Variants in SLC30A10 observed in about 807,000 individuals in gnomAD.
SLC30A10 encodes solute carrier family 30 member 10.
Under a neutral mutation model 21.7 loss-of-function variants are expected in SLC30A10, and 8 were observed. The observed-to-expected ratio is 0.37, with a 90% CI of 0.22 to 0.67. The LOEUF is 0.67. SLC30A10 is among the 30% of genes least tolerant of loss of function. The pLI is 0.58. For synonymous variants in SLC30A10, 272 were observed against 279.4 expected (o/e 0.97, Z 0.26); for missense variants, 521 against 642.5 (o/e 0.81, Z 2.04).
At chr1:219,937,955 G>A (rs564093116) in intron 1 of SLC30A10, among the ~76,000 whole-genome samples, 5 of 151,958 alleles carry the variant, frequency 3.3e-5, no homozygotes, top group Admixed American at 6.5e-5. Context: ...CCTAGCCACC[G>A]GAGTTCTGAC....
At chr1:219,959,076 G>A (rs966373272), upstream of SLC30A10, among the ~76,000 whole-genome samples, 2 of 152,344 alleles carry the variant, frequency 1.3e-5, no homozygotes, top group African/African-American at 4.8e-5. Context: ...AGCTGCTAGG[G>A]AAGCAGCTAT....
upstream of SLC30A10, among the ~76,000 whole-genome samples, chr1:219,929,243 C>A (rs1659927412): frequency 6.6e-6 from 1 of 152,218 alleles, no homozygotes; most frequent in Non-Finnish European, 1.5e-5. Context: ...AGGATCTTCG[C>A]TGTCAAGGCT....
chr1:219,943,897 A>G (rs553920594), intron 1 of SLC30A10, among the ~76,000 whole-genome samples: 2 of 152,240 alleles, frequency 1.3e-5, no homozygotes, highest in African/African-American at 4.8e-5. Flanking sequence ...CAGGAGATTG[A>G]GACCATCCTG....
At position 219,927,836 on chromosome 1, in the gene SLC30A10, C is replaced by G; in HGVS notation, c.605G>C (p.Arg202Pro). The part of the protein sequence containing the change: ...TLRGTSVERK[R>P]EKGATVFANV... Reference sequence around the variant, plus strand: ...TGCGAACACGGTCGCCCCCTTCTCCCGCTTCCTTTCCACCGAGGTCCCCCG... The same window carrying G: ...TGCGAACACGGTCGCCCCCTTCTCCGGCTTCCTTTCCACCGAGGTCCCCCG... Residue 202 changes from arginine (R) to proline (P), a missense_variant, in exon 1 of 4, where the codon CGG becomes CCG. By Grantham distance (103) the Arg-to-Pro change is moderately radical. Transcript: ENST00000366926. The G allele has an allele frequency of 6.5e-7, 1 of 1,548,498 alleles. No individual in the cohort carries two copies. Among genetic ancestry groups the G allele is most frequent in the Non-Finnish European group, 8.7e-7 (1 of 1,147,544 alleles).
chr1:219,922,177 T>TG (rs1194378922), intron 2 of SLC30A10, among the ~76,000 whole-genome samples: 984 of 29,352 alleles, frequency 0.034, 1 homozygote, highest in African/African-American at 0.12. Flanking sequence ...TGTGTGTGTG[T>TG]TTTTTTTTTT....
upstream of SLC30A10, chr1:219,928,586 T>A: frequency 1.5e-6 from 1 of 659,838 alleles, no homozygotes; most frequent in East Asian, 3.5e-5. This position sits in a 1 kb window ranked among gnomAD's most constrained non-coding sequence, Gnocchi z 6.3. Flanking sequence ...CACCGCTTTT[T>A]ATAACGCGAG....
chr1:219,927,705 T>C, intron 1 of SLC30A10, 96 bp downstream of exon 1: 3 of 879,044 alleles, frequency 3.4e-6, no homozygotes, highest in Non-Finnish European at 4.4e-6. Flanking sequence ...AAAAAAAGCA[T>C]GCAGAAGAAA....
Position 219,911,149 on chromosome 1 carries a change from G to GTTTTTTTTTTTTTTTTTTTTTTTTTTT in SLC30A10, c.*4299_*4300insAAAAAAAAAAAAAAAAAAAAAAAAAAA. ...ATGTTTCTTCATTTTTTCTACATCAGTTTTTTTTTTTTTTTTTTTTTTTTT... is the reference window on the plus strand; with the variant it reads ...ATGTTTCTTCATTTTTTCTACATCAGTTTTTTTTTTTTTTTTTTTTTTTTTTTTTTTTTTTTTTTTTTTTTTTTTTTT... On this transcript the variant is annotated 3_prime_UTR_variant, in exon 4 of 4. Transcript: ENST00000366926. Among the ~76,000 whole-genome samples the GTTTTTTTTTTTTTTTTTTTTTTTTTTT allele has an allele frequency of 6.7e-4, 33 of 49,414 alleles. 2 individuals carry two copies. The highest frequency in any genetic ancestry group is 1.2e-3 in the Admixed American group (5 of 4,268). The allele number at this position is 49,414 out of a possible 152,430, so 32.4% of individuals were successfully genotyped here. A position where few individuals can be genotyped will look rare whatever the true frequency, so the allele number is the denominator to read the frequency against.
chr1:219,922,177 T>TGTGTGTGTGG (rs1194378922), intron 2 of SLC30A10, among the ~76,000 whole-genome samples: 5 of 29,376 alleles, frequency 1.7e-4, no homozygotes, highest in Middle Eastern at 0.031. Flanking sequence ...TGTGTGTGTG[T>TGTGTGTGTGG]TTTTTTTTTT....
chr1:219,956,402 T>C (rs1304783724), intron 1 of SLC30A10, among the ~76,000 whole-genome samples: 1 of 152,068 alleles, frequency 6.6e-6, no homozygotes, highest in South Asian at 2.1e-4. Context: ...ACATAGAACA[T>C]GGATCTTAAA....
intron 1 of SLC30A10, among the ~76,000 whole-genome samples, chr1:219,944,185 C>T (rs769968720): frequency 2.6e-5 from 4 of 151,120 alleles, no homozygotes; most frequent in East Asian, 2.0e-4. Context: ...TGACAGCTTA[C>T]GCCTATAATC....
chr1:219,937,447 A>G (rs1462416153), intron 1 of SLC30A10, among the ~76,000 whole-genome samples: 1 of 152,198 alleles, frequency 6.6e-6, no homozygotes, highest in Non-Finnish European at 1.5e-5. Flanking sequence ...ATCAGGAAAC[A>G]CCTAGTGTGT....
At chr1:219,928,728 C>T, upstream of SLC30A10, 1 of 370,772 alleles carries the variant, frequency 2.7e-6, no homozygotes, top group Non-Finnish European at 4.8e-6. This position sits in a 1 kb window ranked among gnomAD's most constrained non-coding sequence, Gnocchi z 6.3. Context: ...GGCAGGTGGC[C>T]ACGAGCCGAT....
chr1:219,931,909 A>C (rs1455216336), upstream of SLC30A10, among the ~76,000 whole-genome samples: 1 of 152,112 alleles, frequency 6.6e-6, no homozygotes, highest in Non-Finnish European at 1.5e-5. Flanking sequence ...CAGCCCCATA[A>C]AATAAGTACT....
upstream of SLC30A10, among the ~76,000 whole-genome samples, chr1:219,930,657 T>C (rs1361866759): frequency 1.3e-5 from 2 of 152,210 alleles, no homozygotes; most frequent in African/African-American, 4.8e-5. Context: ...ATTAAATATT[T>C]GCACCTCCAG....
Position 219,941,310 on chromosome 1 carries a change from T to C in SLC30A10, n.81-14205A>G, listed in dbSNP as rs554367763. ...CTTCAGCTCAGGAGTTTGCTAAGGC[T>C]GAACTTCAGATGAATGTGAGCATGA... On this transcript the variant is annotated intron_variant and non_coding_transcript_variant, in intron 1 of 8. Transcript: ENST00000484239. Among the ~76,000 whole-genome samples, 7 of 152,326 alleles carry C rather than the reference T, an allele frequency of 4.6e-5. No individual in the cohort carries two copies. In the South Asian group the frequency reaches 1.0e-3, roughly 23 times the overall value.
intron 1 of SLC30A10, among the ~76,000 whole-genome samples, chr1:219,954,197 T>C (rs976285955): frequency 6.6e-6 from 1 of 152,004 alleles, no homozygotes; most frequent in African/African-American, 2.4e-5. Context: ...CAGGCTATAG[T>C]ACTGAGTCTT....
At position 219,927,933 on chromosome 1, in the gene SLC30A10, GC is replaced by G. The variant is rs281860287; in HGVS notation, c.507del (p.Pro170LeufsTer22). 1 of 1,537,748 alleles carries G rather than the reference GC, an allele frequency of 6.5e-7. No individual in the cohort carries two copies. Among genetic ancestry groups the G allele is most frequent in the Non-Finnish European group, 8.8e-7 (1 of 1,142,034 alleles). On this transcript the variant is annotated frameshift_variant, in exon 1 of 4. Transcript: ENST00000366926. LOFTEE classifies it high-confidence loss of function. ...AEGCVPGAFGGPQGAEDPRRA... is the reference protein window; with the variant it reads ...AEGCVPGAFGXPQGAEDPRRA... ...CGCCGCGGGTCCTCCGCGCCCTGAGGCCCCCCGAAAGCGCCGGGGACACAGC... is the reference window on the plus strand; with the variant it reads ...CGCCGCGGGTCCTCCGCGCCCTGAGGCCCCCGAAAGCGCCGGGGACACAGC...
chr1:219,925,658 T>A (rs1364413272), intron 2 of SLC30A10, among the ~76,000 whole-genome samples: 404 of 100,396 alleles, frequency 4.0e-3, no homozygotes, highest in Non-Finnish European at 5.7e-3. Flanking sequence ...TATATTTTTT[T>A]TTTTTTTTTT....
Sources: allele counts gnomAD v4.1 joint callset (sites outside exome capture counted in the v4.1 genomes callset), GRCh38; gene constraint gnomAD v4.1.1; non-coding constraint Gnocchi (gnomAD v3.1); transcripts MANE v1.5; gene names NCBI Gene and HGNC (gene_info 2026-07-23, HGNC 2026-07-21).